The following CFI variants were observed in gnomAD, a reference collection of about 807,000 sequenced individuals.
CFI encodes C3B/C4B inactivator.
A neutral mutation model predicts 78.8 loss-of-function variants in CFI; 66 were observed. That is an observed-to-expected ratio of 0.84 (90% confidence interval 0.69 to 1.03). The LOEUF (loss-of-function observed/expected upper bound fraction) is 1.03, where lower values mean the gene tolerates loss of function less well. CFI is among the 50% of genes least tolerant of loss of function. CFI has a pLI of 0.00. For missense variants in CFI, 706 were observed against 704.5 expected (o/e 1.00, Z -0.02); for synonymous variants, 250 against 232.6 (o/e 1.07, Z -0.68).
intron 1 of CFI, among the ~76,000 whole-genome samples, chr4:109,783,466 A>G (rs952808916): frequency 8.5e-5 from 13 of 152,116 alleles, no homozygotes; most frequent in Admixed American, 3.9e-4. Flanking sequence ...AATCAAAACC[A>G]CAATGTGATA....
At chr4:109,776,263 A>G (rs1035354270) in intron 1 of CFI, among the ~76,000 whole-genome samples, 2 of 152,244 alleles carry the variant, frequency 1.3e-5, no homozygotes, top group Admixed American at 6.5e-5. Flanking sequence ...TAACCAGTGT[A>G]GAGAAGTCCT....
rs61376553 is a variant in CFI at position 109,783,812 on chromosome 4, G to A, written c.58-16988C>T. Among the ~76,000 whole-genome samples, 1,117 of 112,254 alleles carry A rather than the reference G, an allele frequency of 1.0e-2. 66 individuals carry two copies. The highest frequency in any genetic ancestry group is 0.034 in the African/African-American group (1,010 of 29,586). The allele number at this position is 112,254 out of a possible 152,430, so 73.6% of individuals were successfully genotyped here. On this transcript the variant is annotated intron_variant, in intron 1 of 12. Coordinates refer to ENST00000394634, the MANE Select transcript of CFI (RefSeq NM_000204.5). ...TTCAATGAGTGGATAAAGAAACTGT[G>A]ATATATATATATATATATATATGAT...
chr4:109,752,443 A>G (rs750904313), intron 8 of CFI, 25 bp downstream of exon 8: 1 of 1,611,862 alleles, frequency 6.2e-7, no homozygotes, highest in Non-Finnish European at 8.5e-7. Context: ...TGAGCCACCA[A>G]TAAAAAAGTA....
In CFI at chr4:109,749,290, T is replaced by A. The variant is rs1724847223; in HGVS notation, c.1076A>T (p.Asp359Val). Residue 359 changes from aspartate (D) to valine (V), a missense_variant, in exon 10 of 13, where the codon GAT becomes GTT. Asp to Val is a radical substitution (Grantham distance 152, BLOSUM62 -3). Coordinates refer to ENST00000394634, the MANE Select transcript of CFI (RefSeq NM_000204.5). ...GDLPWQVAIK[D>V]ASGITCGGIY... ...TCCCCCACAGGTGATTCCACTGGCA[T>A]CCTTAATTGCCACCTGCCATGGGAG... 6.2e-7 allele frequency: 1 copy of A among 1,614,140 alleles called. No individual in the cohort carries two copies. The highest frequency in any genetic ancestry group is 1.7e-5 in the Admixed American group (1 of 60,018).
intron 1 of CFI, among the ~76,000 whole-genome samples, chr4:109,779,555 T>G (rs1279662850): frequency 1.3e-5 from 2 of 152,198 alleles, no homozygotes; most frequent in Admixed American, 1.3e-4. Context: ...ATGGCCATAC[T>G]ACCCAAGGTA....
Position 109,749,298 on chromosome 4 carries a change from T to A in CFI, c.1068A>T (p.Ala356=). The stretch of plus-strand genomic sequence containing the variant: ...AGGTGATTCCACTGGCATCCTTAAT[T>A]GCCACCTGCCATGGGAGGTCTCCCT... The part of the protein sequence containing the change: ...AQLGDLPWQV[A]IKDASGITCG... The change falls in exon 10 of 13, where the codon GCA becomes GCT. Residue 356 remains alanine (A), a synonymous_variant. Coordinates refer to ENST00000394634, the MANE Select transcript of CFI (RefSeq NM_000204.5). The A allele has an allele frequency of 6.2e-7, 1 of 1,614,136 alleles. No individual in the cohort carries two copies. The highest frequency in any genetic ancestry group is 2.2e-5 in the East Asian group (1 of 44,890).
At chr4:109,735,004 G>T in the CFI span, among the ~76,000 whole-genome samples, 7 of 152,046 alleles carry the variant, frequency 4.6e-5, no homozygotes, top group African/African-American at 1.7e-4. Flanking sequence ...TCACCCAGGT[G>T]GGGGTAGCAT....
intron 1 of CFI, among the ~76,000 whole-genome samples, chr4:109,801,469 C>T (rs1732762898): frequency 1.3e-5 from 2 of 152,194 alleles, no homozygotes; most frequent in Admixed American, 6.5e-5. Flanking sequence ...TAAATATATA[C>T]TGTCTTGTAA....
intron 1 of CFI, among the ~76,000 whole-genome samples, chr4:109,779,106 C>T (rs1729658201): frequency 6.6e-6 from 1 of 152,104 alleles, no homozygotes; most frequent in African/African-American, 2.4e-5. Flanking sequence ...CACTCCTATT[C>T]AACATAGTGT....
At chr4:109,766,900 A>G in intron 1 of CFI, 76 bp from the exon 2 acceptor site, 1 of 1,424,486 alleles carries the variant, frequency 7.0e-7, no homozygotes, top group South Asian at 1.2e-5. Flanking sequence ...GTGAAGGAAA[A>G]GAGCAAAACA....
rs771896276 is a variant in CFI at position 109,760,600 on chromosome 4, C to A, written c.695G>T (p.Gly232Val). Residue 232 changes from glycine (G) to valine (V), a missense_variant, in exon 5 of 13, where the codon GGG becomes GTG. Physicochemically the swap from Gly to Val is moderately radical, Grantham distance 109. Coordinates refer to ENST00000394634, the MANE Select transcript of CFI (RefSeq NM_000204.5). Reference sequence around the variant, plus strand: ...GGCTTTCATCTGAGAAATGTATTTCCCATTCACACACTGAAAGAAGTCATC... The same window carrying A: ...GGCTTTCATCTGAGAAATGTATTTCACATTCACACACTGAAAGAAGTCATC... ...PMDDFFQCVNGKYISQMKACD... is the reference protein window; with the variant it reads ...PMDDFFQCVNVKYISQMKACD... The A allele has an allele frequency of 6.2e-7, 1 of 1,608,342 alleles. No homozygotes were observed. The highest frequency in any genetic ancestry group is 8.5e-7 in the Non-Finnish European group (1 of 1,174,892).
rs570949056 is a variant in CFI, at chr4:109,752,434, G to A, written c.940+34C>T. On this transcript the variant is annotated intron_variant, in intron 8 of 12. Transcript: ENST00000394634. ...CACTGAAATTACAGCCTAAACCAGT[G>A]AGCCACCAATAAAAAAGTATAACGT... The A allele has an allele frequency of 2.3e-5, 37 of 1,607,504 alleles. 1 individual carries two copies. The South Asian group carries it at 3.0e-4, about 13-fold the overall frequency.
At chr4:109,764,788 G>A in intron 2 of CFI, 98 bp from the exon 3 acceptor site, 1 of 1,136,802 alleles carries the variant, frequency 8.8e-7, no homozygotes, top group Non-Finnish European at 1.3e-6. Context: ...AATGTCAAGT[G>A]AGCTTTGAAC....
chr4:109,740,350 G>C (rs1723646003), downstream of CFI, among the ~76,000 whole-genome samples: 1 of 151,006 alleles, frequency 6.6e-6, no homozygotes, highest in African/African-American at 2.5e-5. Context: ...GAGAGAGAAA[G>C]AGAGAAAGAA....
chr4:109,768,797 A>G (rs990503603), intron 1 of CFI, among the ~76,000 whole-genome samples: 27 of 152,320 alleles, frequency 1.8e-4, no homozygotes, highest in African/African-American at 5.5e-4. Flanking sequence ...TGCCGTTAAG[A>G]AGGCAAATAA....
chr4:109,781,699 AT>A (rs1413595524), intron 1 of CFI, among the ~76,000 whole-genome samples: 1 of 152,156 alleles, frequency 6.6e-6, no homozygotes, highest in Admixed American at 6.6e-5. Context: ...AGGAAAGGAC[AT>A]AACCAAAAAA....
chr4:109,742,465 T>A, intron 12 of CFI, 26 bp downstream of exon 12: 1 of 1,407,560 alleles, frequency 7.1e-7, no homozygotes, highest in East Asian at 2.3e-5. Context: ...CATCTTGACA[T>A]CTTGGATAAA....
chr4:109,797,867 A>C (rs779572677), intron 1 of CFI, among the ~76,000 whole-genome samples: 40 of 152,340 alleles, frequency 2.6e-4, no homozygotes, highest in Middle Eastern at 3.4e-3. Context: ...CACACCAGTT[A>C]GGATGGTTAT....
intron 7 of CFI, 34 bp from the exon 8 acceptor site, chr4:109,752,537 T>C (rs1287124201): frequency 1.3e-6 from 2 of 1,560,314 alleles, no homozygotes; most frequent in Non-Finnish European, 1.8e-6. Flanking sequence ...ATGTTTAAAG[T>C]TGTTAATTAT....
Sources: allele counts gnomAD v4.1 joint callset (sites outside exome capture counted in the v4.1 genomes callset), GRCh38; gene constraint gnomAD v4.1.1; transcripts MANE v1.5; gene names NCBI Gene and HGNC (gene_info 2026-07-23, HGNC 2026-07-21).